ANOS1: variants seen among roughly 807,000 people sequenced by gnomAD.
The protein encoded by ANOS1 is anosmin-1.
Under a neutral mutation model 59.0 loss-of-function variants are expected in ANOS1, and 6 were observed. The ratio of observed to expected loss-of-function variants is 0.10; its 90% CI spans 0.06 to 0.20. ANOS1 has a LOEUF of 0.20. ANOS1 is among the 10% of genes least tolerant of loss of function. The pLI is 1.00. For synonymous variants in ANOS1, 217 were observed against 223.4 expected (o/e 0.97, Z 0.25); for missense variants, 433 against 542.3 (o/e 0.80, Z 2.00).
At chrX:8,572,312 G>A (rs766550743) in intron 6 of ANOS1, among the ~76,000 whole-genome samples, 3 of 110,300 alleles carry the variant, frequency 2.7e-5, no homozygotes, top group African/African-American at 6.6e-5. Context: ...AGGCCCTGGT[G>A]TGTGTTGCTC....
chrX:8,545,268 A>G (rs1236788631), intron 9 of ANOS1, among the ~76,000 whole-genome samples: 3 of 101,595 alleles, frequency 3.0e-5, no homozygotes, highest in African/African-American at 7.2e-5. Flanking sequence ...CAAAAAAAAA[A>G]AAAGAAAGAA....
At chrX:8,636,205 C>T (rs1024369276) in intron 2 of ANOS1, among the ~76,000 whole-genome samples, 3 of 111,711 alleles carry the variant, frequency 2.7e-5, no homozygotes, top group African/African-American at 9.8e-5. Context: ...CTTGACAACA[C>T]ACATCTCCTA....
intron 1 of ANOS1, among the ~76,000 whole-genome samples, chrX:8,724,587 C>G (rs1206693532): frequency 8.9e-6 from 1 of 112,416 alleles, no homozygotes; most frequent in Non-Finnish European, 1.9e-5. Flanking sequence ...CATGACCTTG[C>G]AAGCAAGATG....
At chrX:8,619,419 C>G (rs773646066) in intron 3 of ANOS1, among the ~76,000 whole-genome samples, 1 of 111,088 alleles carries the variant, frequency 9.0e-6, no homozygotes, top group African/African-American at 3.3e-5. Context: ...TCCTGGCCAA[C>G]ATGGTGAAAC....
chrX:8,668,902 G>C (rs569634896), intron 2 of ANOS1, among the ~76,000 whole-genome samples: 2 of 111,577 alleles, frequency 1.8e-5, no homozygotes, highest in African/African-American at 6.5e-5. Context: ...TGAGAAAGGG[G>C]AGTCACAGTA....
intron 8 of ANOS1, among the ~76,000 whole-genome samples, chrX:8,565,104 C>T (rs1214834426): frequency 8.9e-6 from 1 of 111,750 alleles, no homozygotes; most frequent in African/African-American, 3.3e-5. Flanking sequence ...AATGTAACCT[C>T]AACAAGGACA....
intron 4 of ANOS1, among the ~76,000 whole-genome samples, chrX:8,589,935 T>C (rs753303875): frequency 1.8e-5 from 2 of 112,029 alleles, no homozygotes; most frequent in South Asian, 7.5e-4. Context: ...GCTAACAACA[T>C]TTAGTTGTCT....
At chrX:8,699,533 C>A (rs1050248486) in intron 2 of ANOS1, among the ~76,000 whole-genome samples, 165 bp downstream of exon 2, 2 of 111,999 alleles carry the variant, frequency 1.8e-5, no homozygotes, top group African/African-American at 6.5e-5. Flanking sequence ...GCATGCATAT[C>A]AATTTTGTGC....
intron 2 of ANOS1, among the ~76,000 whole-genome samples, chrX:8,665,267 C>A (rs1358438202): frequency 1.8e-5 from 2 of 112,245 alleles, no homozygotes; most frequent in Non-Finnish European, 3.8e-5. Flanking sequence ...AGTGACAACA[C>A]ACAAATAAGA....
At chrX:8,667,944 A>G (rs1029707137) in intron 2 of ANOS1, among the ~76,000 whole-genome samples, 1 of 111,510 alleles carries the variant, frequency 9.0e-6, no homozygotes, top group African/African-American at 3.3e-5. Context: ...GAAAAGAGGA[A>G]TAACTATTTT....
chrX:8,681,368 G>C (rs1602022188), intron 2 of ANOS1, among the ~76,000 whole-genome samples: 1 of 111,926 alleles, frequency 8.9e-6, no homozygotes, highest in East Asian at 2.8e-4. Context: ...TTTTATATAT[G>C]ACAAAGAAAA....
At chrX:8,611,925 G>T (rs2146837482) in intron 3 of ANOS1, among the ~76,000 whole-genome samples, 1 of 111,681 alleles carries the variant, frequency 9.0e-6, no homozygotes, top group South Asian at 3.7e-4. Context: ...ATATTTAAAA[G>T]ATGATTTTTC....
rs376387211 is a variant in ANOS1, at chrX:8,643,979, T to C, written c.256-20309A>G. On this transcript the variant is annotated intron_variant, in intron 2 of 13. Coordinates refer to ENST00000262648, the MANE Select transcript of ANOS1 (RefSeq NM_000216.4). ...CAATGTCTTTCTTAAATGTATTTGA[T>C]TGATATCTCATGCCTCCCTAAAATG... is the stretch of plus-strand genomic sequence containing the variant. Among the ~76,000 whole-genome samples, 7 of 111,171 alleles carry C rather than the reference T, an allele frequency of 6.3e-5. No individual in the cohort carries two copies. In the East Asian group the frequency reaches 1.7e-3, roughly 27 times the overall value.
At chrX:8,550,434 T>C (rs747506814) in intron 9 of ANOS1, among the ~76,000 whole-genome samples, 92 of 111,626 alleles carry the variant, frequency 8.2e-4, no homozygotes, top group African/African-American at 2.9e-3. Context: ...CATTGACACG[T>C]GGATGAATTC....
chrX:8,624,236 G>A (rs1426656196), intron 2 of ANOS1, among the ~76,000 whole-genome samples: 1 of 109,773 alleles, frequency 9.1e-6, no homozygotes, highest in African/African-American at 3.3e-5. Context: ...GGCTGGTCTC[G>A]AACTCATGAC....
intron 2 of ANOS1, among the ~76,000 whole-genome samples, chrX:8,678,428 A>G (rs952261401): frequency 8.9e-6 from 1 of 112,291 alleles, no homozygotes; most frequent in Non-Finnish European, 1.9e-5. Flanking sequence ...ATCTGAAAGA[A>G]GCAATATTCA....
intron 4 of ANOS1, among the ~76,000 whole-genome samples, chrX:8,595,731 T>G (rs1930722737): frequency 9.0e-6 from 1 of 111,717 alleles, no homozygotes; most frequent in Non-Finnish European, 1.9e-5. Context: ...TGTACTTTAA[T>G]GAATACTGCC....
At chrX:8,543,445 C>T (rs1466077900) in intron 9 of ANOS1, among the ~76,000 whole-genome samples, 2 of 110,227 alleles carry the variant, frequency 1.8e-5, no homozygotes, top group African/African-American at 3.3e-5. Context: ...TAGATATTTG[C>T]TTTGATGGAA....
intron 1 of ANOS1, among the ~76,000 whole-genome samples, chrX:8,725,739 C>T (rs866097931): frequency 5.7e-5 from 2 of 35,037 alleles, no homozygotes; most frequent in Non-Finnish European, 9.2e-5. Context: ...TATATATATA[C>T]AGATATATAT....
Sources: allele counts gnomAD v4.1 joint callset (sites outside exome capture counted in the v4.1 genomes callset), GRCh38; gene constraint gnomAD v4.1.1; transcripts MANE v1.5; gene names NCBI Gene and HGNC (gene_info 2026-07-23, HGNC 2026-07-21).